CC2D2B: variants seen among roughly 807,000 people sequenced by gnomAD.
The protein encoded by CC2D2B is coiled-coil and C2 domain containing 2B, also known as protein CC2D2B.
Under a neutral mutation model 161.2 loss-of-function variants are expected in CC2D2B, and 128 were observed. The ratio of observed to expected loss-of-function variants is 0.79; its 90% CI spans 0.69 to 0.92. The LOEUF (loss-of-function observed/expected upper bound fraction) is 0.92. CC2D2B is among the 40% of genes least tolerant of loss of function. The probability of loss-of-function intolerance (pLI) is 0.00; values close to 1 mark genes in which losing one functional copy is unlikely to be tolerated. For missense variants in CC2D2B, 1,173 were observed against 1,375.1 expected, an observed-to-expected ratio of 0.85 and a Z score of 2.32; for synonymous variants, 391 against 449.8, an observed-to-expected ratio of 0.87 and a Z score of 1.65.
chr10:95,972,325 CTTT>C, intron 16 of CC2D2B, 109 bp downstream of exon 16: 1 of 758,862 alleles, frequency 1.3e-6, no homozygotes, highest in Non-Finnish European at 1.8e-6. Flanking sequence ...TTACAATATT[CTTT>C]TTTGTTTGTT....
intron 29 of CC2D2B, among the ~76,000 whole-genome samples, chr10:96,015,469 G>T (rs201967557): frequency 6.1e-5 from 9 of 148,044 alleles, no homozygotes; most frequent in African/African-American, 2.0e-4. Flanking sequence ...GTTTGTTTTT[G>T]TTTTTTTTTT....
intron 16 of CC2D2B, among the ~76,000 whole-genome samples, chr10:95,972,512 C>T (rs1027188823): frequency 5.9e-5 from 9 of 152,130 alleles, no homozygotes; most frequent in Non-Finnish European, 1.2e-4. Flanking sequence ...CAGGGTTTCA[C>T]CATTTTAACC....
chr10:95,998,498 A>T (rs1039537008), intron 24 of CC2D2B, among the ~76,000 whole-genome samples: 3 of 152,102 alleles, frequency 2.0e-5, no homozygotes, highest in African/African-American at 7.2e-5. Flanking sequence ...AAAGAATGTC[A>T]TTGTGTACAT....
chr10:95,933,296 G>T (rs1364888885), intron 6 of CC2D2B, among the ~76,000 whole-genome samples: 2 of 151,830 alleles, frequency 1.3e-5, no homozygotes, highest in African/African-American at 2.4e-5. Flanking sequence ...TTTTTTTCAA[G>T]GTTCTTAGCT....
intron 15 of CC2D2B, among the ~76,000 whole-genome samples, chr10:95,970,373 A>G (rs893585047): frequency 2.0e-5 from 3 of 152,010 alleles, no homozygotes; most frequent in Non-Finnish European, 4.4e-5. Context: ...TTCATTCATC[A>G]CTTCAGCCAA....
chr10:95,920,630 A>ACAGGT (rs986944904), intron 2 of CC2D2B: 1 of 152,002 alleles, frequency 6.6e-6, no homozygotes, highest in African/African-American at 2.4e-5. Context: ...TGTGGCCGCC[A>ACAGGT]CAGGTGGAAA....
intron 26 of CC2D2B, among the ~76,000 whole-genome samples, chr10:96,011,975 C>A (rs941087306): frequency 1.3e-5 from 2 of 152,078 alleles, no homozygotes; most frequent in African/African-American, 4.8e-5. Context: ...CTACATAGTA[C>A]ATATTAGGCA....
intron 11 of CC2D2B, among the ~76,000 whole-genome samples, chr10:95,955,783 A>G (rs1347862621): frequency 1.3e-5 from 2 of 152,186 alleles, no homozygotes; most frequent in African/African-American, 4.8e-5. Flanking sequence ...CTGAAGTGTT[A>G]GTATATATTT....
At chr10:95,913,475 A>G (rs763014686) in intron 2 of CC2D2B, 2 of 382,448 alleles carry the variant, frequency 5.2e-6, no homozygotes, top group Non-Finnish European at 5.1e-6. Context: ...TCCTTTGAGT[A>G]TATACCCAGC....
intron 5 of CC2D2B, 64 bp from the exon 6 acceptor site, chr10:95,927,173 C>T: frequency 2.2e-6 from 2 of 895,090 alleles, no homozygotes; most frequent in Non-Finnish European, 3.5e-6. Context: ...TTACAGAAAA[C>T]TATTTCCTTT....
chr10:95,981,900 A>G, intron 17 of CC2D2B, 75 bp from the exon 18 acceptor site: 3 of 757,130 alleles, frequency 4.0e-6, no homozygotes, highest in Non-Finnish European at 5.4e-6. Context: ...TTTTTACCCT[A>G]TATAACAGTG....
chr10:95,926,153 A>G lies in CC2D2B; in HGVS notation c.241-1084A>G, dbSNP rs570252851. ...TGTTATTCACTCAACACATGAATTA[A>G]AACATGCCTAAATTGGATTTAATTT... On this transcript the variant is annotated intron_variant, in intron 5 of 34. Coordinates refer to ENST00000646931, the MANE Select transcript of CC2D2B (RefSeq NM_001349008.3). Among the ~76,000 whole-genome samples, 18 of 152,354 alleles carry G rather than the reference A, an allele frequency of 1.2e-4. 1 individual carries two copies. In the South Asian group the frequency reaches 3.1e-3, roughly 26 times the overall value.
chr10:95,918,328 G>T (rs1230831287), intron 2 of CC2D2B, among the ~76,000 whole-genome samples: 3 of 152,072 alleles, frequency 2.0e-5, no homozygotes, highest in Middle Eastern at 3.2e-3. Flanking sequence ...CTCAGCTTTT[G>T]TTTGTCTTGG....
chr10:95,937,607 G>T (rs577835953), intron 6 of CC2D2B, among the ~76,000 whole-genome samples: 1 of 151,232 alleles, frequency 6.6e-6, no homozygotes, highest in South Asian at 2.1e-4. Flanking sequence ...ACTGTTTTCT[G>T]AATGATGGGG....
Position 95,924,772 on chromosome 10 carries a change from G to A in CC2D2B, c.175-7G>A. ...TTCTGTAAAGATTTATTTATGTTGTGTTTCAGATTAATAAAGGTGAAAAAT... is the reference window on the plus strand; with the variant it reads ...TTCTGTAAAGATTTATTTATGTTGTATTTCAGATTAATAAAGGTGAAAAAT... On this transcript the variant is annotated splice_region_variant and splice_polypyrimidine_tract_variant and intron_variant, in intron 4 of 34. Coordinates refer to ENST00000646931, the MANE Select transcript of CC2D2B (RefSeq NM_001349008.3). The A allele has an allele frequency of 2.0e-6, 3 of 1,514,824 alleles. No homozygotes were observed. Among genetic ancestry groups the A allele is most frequent in the African/African-American group, 1.4e-5 (1 of 72,388 alleles). 93.8% of individuals were successfully genotyped at this position (1,514,824 alleles called of 1,614,324 possible).
At chr10:95,936,958 G>C (rs997983240) in intron 6 of CC2D2B, among the ~76,000 whole-genome samples, 7 of 152,168 alleles carry the variant, frequency 4.6e-5, no homozygotes, top group African/African-American at 1.7e-4. Flanking sequence ...TTCAAAGAGA[G>C]CCCCCATGTG....
chr10:96,014,278 A>C (rs1265729639), intron 29 of CC2D2B, among the ~76,000 whole-genome samples: 1 of 152,174 alleles, frequency 6.6e-6, no homozygotes, highest in Admixed American at 6.5e-5. Context: ...CTTAGCACTT[A>C]GATTAAAGTC....
At chr10:95,978,803 A>G (rs1293390204) in intron 17 of CC2D2B, among the ~76,000 whole-genome samples, 1 of 152,156 alleles carries the variant, frequency 6.6e-6, no homozygotes. Context: ...TTTGTCCAGT[A>G]TAAGGTTTAT....
chr10:95,939,608 T>C (rs1290168992), intron 9 of CC2D2B, among the ~76,000 whole-genome samples: 2 of 152,220 alleles, frequency 1.3e-5, no homozygotes, highest in African/African-American at 2.4e-5. Context: ...AACTAAGAAG[T>C]GTGTGAGAGT....
Sources: allele counts gnomAD v4.1 joint callset (sites outside exome capture counted in the v4.1 genomes callset), GRCh38; gene constraint gnomAD v4.1.1; transcripts MANE v1.5; gene names NCBI Gene and HGNC (gene_info 2026-07-23, HGNC 2026-07-21).